The following LRP4 variants were observed in gnomAD, a reference collection of about 807,000 sequenced individuals.
The protein encoded by LRP4 is LDL receptor related protein 4, also known as low-density lipoprotein receptor-related protein 4.
LRP4 carries 95 observed loss-of-function variants against 220.3 expected under a neutral mutation model. That is an observed-to-expected ratio of 0.43 (90% CI 0.37 to 0.51). The LOEUF is 0.51. Ranked by LOEUF, LRP4 falls within the 20% of genes least tolerant of loss-of-function variation. LRP4 has a pLI of 0.00. For missense variants in LRP4, 1,925 were observed against 2,567.0 expected (o/e 0.75, Z 5.40); for synonymous variants, 903 against 954.6 (o/e 0.95, Z 1.00).
Position 46,879,268 on chromosome 11 carries a change from A to G in LRP4, c.2862T>C (p.Tyr954=), listed in dbSNP as rs1462510505. 6 of 1,614,194 alleles carry G rather than the reference A, an allele frequency of 3.7e-6. No homozygotes were observed. The South Asian group carries it at 6.6e-5, about 18-fold the overall frequency. The change falls in exon 21 of 38, where the codon TAT becomes TAC. Residue 954 remains tyrosine, a synonymous_variant. Coordinates refer to ENST00000378623, the MANE Select transcript of LRP4 (RefSeq NM_002334.4). Reference sequence around the variant, plus strand: ...AGTCAGTCCAATAGATGCGCTCTCCATAGAGGGTCAGCCCAAATGGGTGGG... The same window carrying G: ...AGTCAGTCCAATAGATGCGCTCTCCGTAGAGGGTCAGCCCAAATGGGTGGG... ...QLPHPFGLTL[Y]GERIYWTDWQ...
chr11:46,859,270 C>A lies in LRP4; in HGVS notation c.5431G>T (p.Glu1811Ter). The A allele has an allele frequency of 6.2e-7, 1 of 1,614,130 alleles. No individual in the cohort carries two copies. The highest frequency in any genetic ancestry group is 8.5e-7 in the Non-Finnish European group (1 of 1,180,036). Residue 1811 changes from glutamate to a stop codon, truncating the protein, a stop_gained, in exon 38 of 38, where the codon GAG becomes TAG. Transcript: ENST00000378623. LOFTEE classifies it high-confidence loss of function. ...NYTKEKIKIVEGICLLSGDDA... is the reference protein window; with the variant it reads ...NYTKEKIKIV The stretch of plus-strand genomic sequence containing the variant: ...TCCCCAGACAGGAGGCAGATTCCCT[C>A]TACGATCTTGATCTTCTCCTTGGTG...
Position 46,896,896 on chromosome 11 carries a change from T to C in LRP4, c.895A>G (p.Ser299Gly). 1 of 1,614,256 alleles carries C rather than the reference T, an allele frequency of 6.2e-7. No individual in the cohort carries two copies. Among genetic ancestry groups the C allele is most frequent in the Non-Finnish European group, 8.5e-7 (1 of 1,180,032 alleles). ...GTATTCTCACAGTTCTCTTCATCGCTGTTGTCTGCACAGTCGTCCTCCCCA... is the reference window on the plus strand; with the variant it reads ...GTATTCTCACAGTTCTCTTCATCGCCGTTGTCTGCACAGTCGTCCTCCCCA... Reference protein sequence around the residue: ...CDGEDDCADNSDEENCENTGS... With the variant: ...CDGEDDCADNGDEENCENTGS... Residue 299 changes from serine (S) to glycine (G), a missense_variant, in exon 8 of 38, where the codon AGC becomes GGC. Ser to Gly is a moderately conservative substitution (Grantham distance 56). Coordinates refer to ENST00000378623, the MANE Select transcript of LRP4 (RefSeq NM_002334.4).
At chr11:46,882,025 T>C (rs1031511382) in intron 19 of LRP4, 122 bp from the exon 20 acceptor site, 1 of 892,248 alleles carries the variant, frequency 1.1e-6, no homozygotes, top group African/African-American at 1.7e-5. Flanking sequence ...GCCTCCTGCA[T>C]CAGTGTCCAG....
intron 35 of LRP4, among the ~76,000 whole-genome samples, 154 bp downstream of exon 35, chr11:46,864,965 A>C (rs1410034043): frequency 6.6e-6 from 1 of 152,210 alleles, no homozygotes; most frequent in African/African-American, 2.4e-5. Flanking sequence ...TGTCACTGTA[A>C]GTGGTGAGAG....
intron 36 of LRP4, 148 bp from the exon 37 acceptor site, chr11:46,862,895 C>A (rs1192568635): frequency 5.6e-6 from 4 of 717,354 alleles, no homozygotes; most frequent in Non-Finnish European, 1.0e-5. Context: ...AATCCCCTCC[C>A]CTTGAGTGTG....
chr11:46,873,167 G>A lies in LRP4; in HGVS notation c.4516C>T (p.Arg1506Trp), dbSNP rs766025454. The change falls in exon 30 of 38, where the codon CGG becomes TGG. Residue 1506 changes from arginine to tryptophan, a missense_variant. Arg to Trp is a moderately radical substitution (Grantham distance 101). Coordinates refer to ENST00000378623, the MANE Select transcript of LRP4 (RefSeq NM_002334.4). This position sits in a 1 kb window ranked among gnomAD's most constrained non-coding sequence, Gnocchi z 4.2. ...IERANLDGSE[R>W]KVLINTDLGW... The stretch of plus-strand genomic sequence containing the variant: ...AGGTCTGTGTTGATGAGGACCTTCC[G>A]CTCAGAACCATCCAAGTTTGCCCGT... The A allele has an allele frequency of 2.0e-5, 33 of 1,614,014 alleles. No individual in the cohort carries two copies. Among genetic ancestry groups the A allele is most frequent in the South Asian group, 4.4e-5 (4 of 91,080 alleles).
Position 46,898,628 on chromosome 11 carries a change from C to T in LRP4, c.726G>A (p.Leu242=). 1.2e-6 allele frequency: 2 copies of T among 1,614,198 alleles called. No homozygotes were observed. Among genetic ancestry groups the T allele is most frequent in the Non-Finnish European group, 1.7e-6 (2 of 1,180,028 alleles). Residue 242 remains leucine (L), a synonymous_variant, in exon 7 of 38, where the codon CTG becomes CTA. Transcript: ENST00000378623. The part of the protein sequence containing the change: ...RSGEFMCDSG[L]CINAGWRCDG... ...CGCAGCGCCAGCCTGCATTGATGCA[C>T]AGGCCACTGTCACACATGAACTCCC...
At chr11:46,886,069 G>A in intron 18 of LRP4, 22 bp downstream of exon 18, 1 of 1,600,300 alleles carries the variant, frequency 6.2e-7, no homozygotes, top group Non-Finnish European at 8.6e-7. Flanking sequence ...AGCCAGGCAG[G>A]CCACGGCTCC....
chr11:46,873,820 G>A lies in LRP4; in HGVS notation c.4230-227C>T. On this transcript the variant is annotated intron_variant, in intron 28 of 37. Coordinates refer to ENST00000378623, the MANE Select transcript of LRP4 (RefSeq NM_002334.4). The surrounding 1 kb of genome is among the most constrained non-coding windows in gnomAD (Gnocchi z 4.2). ...GAGGACACAGTATTTCCTGCTAACT[G>A]GACATAGTGGCGGTTGCCAGGGGAT... The A allele has an allele frequency of 1.9e-6, 1 of 533,254 alleles. No homozygotes were observed. Among genetic ancestry groups the A allele is most frequent in the Non-Finnish European group, 3.3e-6 (1 of 303,132 alleles). The allele number at this position is 533,254 out of a possible 1,614,324, so 33.0% of individuals were successfully genotyped here.
chr11:46,876,433 C>A (rs769918507), intron 25 of LRP4, 33 bp downstream of exon 25: 6 of 1,613,368 alleles, frequency 3.7e-6, no homozygotes, highest in South Asian at 3.3e-5. Flanking sequence ...GCTGGCCCCC[C>A]ACACTACCCA....
intron 22 of LRP4, 150 bp downstream of exon 22, chr11:46,878,757 T>C (rs1314061687): frequency 1.7e-6 from 2 of 1,208,482 alleles, no homozygotes; most frequent in Non-Finnish European, 2.4e-6. Context: ...CGTCCCCTTT[T>C]CTAAAAGCCG....
At chr11:46,860,979 G>A in intron 37 of LRP4, 1 of 984,562 alleles carries the variant, frequency 1.0e-6, no homozygotes, top group Non-Finnish European at 1.2e-6. Flanking sequence ...TATCAGAGGG[G>A]TGAAAGAGCT....
chr11:46,887,516 T>G (rs1941322561), intron 16 of LRP4, among the ~76,000 whole-genome samples: 1 of 150,930 alleles, frequency 6.6e-6, no homozygotes, highest in East Asian at 2.0e-4. Context: ...CTGAGCAACA[T>G]AGTGGAACCC....
In LRP4 at chr11:46,888,216, G is replaced by C. The variant is rs149946234; in HGVS notation, c.2215+1195C>G. On this transcript the variant is annotated intron_variant, in intron 16 of 37. Coordinates refer to ENST00000378623, the MANE Select transcript of LRP4 (RefSeq NM_002334.4). ...GCACACTTATAATCCCCGCTACTCA[G>C]GAGGCTGAGGCAGGAGAAGCACTTG... Among the ~76,000 whole-genome samples, 960 of 147,638 alleles carry C rather than the reference G, an allele frequency of 6.5e-3. 14 individuals carry two copies. Among genetic ancestry groups the C allele is most frequent in the African/African-American group, 0.023 (919 of 39,750 alleles).
chr11:46,912,866 C>T (rs1406788708), intron 1 of LRP4, among the ~76,000 whole-genome samples: 1 of 152,234 alleles, frequency 6.6e-6, no homozygotes, highest in Non-Finnish European at 1.5e-5. Flanking sequence ...TCCAGAAAAC[C>T]TCCGGTGATA....
chr11:46,868,905 C>A (rs575474437), intron 32 of LRP4, 83 bp downstream of exon 32: 72 of 1,578,312 alleles, frequency 4.6e-5, no homozygotes, highest in Admixed American at 1.8e-4. Flanking sequence ...GTGGCCCTAA[C>A]TGTCTTGGTC....
chr11:46,897,926 C>G (rs1316323730), intron 7 of LRP4, among the ~76,000 whole-genome samples: 3 of 151,934 alleles, frequency 2.0e-5, no homozygotes, highest in Non-Finnish European at 4.4e-5. Flanking sequence ...GGCAGAGGGG[C>G]TCCTCACTTC....
At chr11:46,905,434 C>T (rs929553208) in intron 1 of LRP4, among the ~76,000 whole-genome samples, 1 of 152,218 alleles carries the variant, frequency 6.6e-6, no homozygotes, top group Admixed American at 6.5e-5. Flanking sequence ...ATAAGGATCT[C>T]AACTGGGGAT....
In LRP4 at chr11:46,858,944, G is replaced by A; in HGVS notation, c.*39C>T. On this transcript the variant is annotated 3_prime_UTR_variant, in exon 38 of 38. Transcript: ENST00000378623. ...AGCACAAGGACTAGACGTCCATAAA[G>A]GAGAAGGAACAGGCAGGCAGGGAAG... 1 of 1,592,378 alleles carries A rather than the reference G, an allele frequency of 6.3e-7. No homozygotes were observed. Among genetic ancestry groups the A allele is most frequent in the South Asian group, 1.1e-5 (1 of 90,554 alleles).
Sources: gnomAD v4.1 joint callset for allele counts (sites outside exome capture counted in the v4.1 genomes callset) on GRCh38, gnomAD v4.1.1 for gene constraint, Gnocchi (gnomAD v3.1) non-coding constraint, MANE v1.5 for transcripts, NCBI Gene and HGNC (gene_info 2026-07-23, HGNC 2026-07-21) for gene names.